Variants in COX8C observed in about 807,000 individuals in gnomAD.
The protein encoded by COX8C is cytochrome c oxidase subunit 8C.
Under a neutral mutation model 3.5 loss-of-function variants are expected in COX8C, and 3 were observed. The ratio of observed to expected loss-of-function variants is 0.86; its 90% CI spans 0.39 to 2.24. COX8C has a LOEUF of 2.24. Among genes scored for constraint, COX8C ranks in the 30% most tolerant of loss-of-function variants. COX8C has a pLI of 0.05. For synonymous variants in COX8C, 46 were observed against 44.1 expected (o/e 1.04, Z -0.17); for missense variants, 113 against 102.5 (o/e 1.10, Z -0.44).
At chr14:93,347,553 T>C (rs1344525158) in intron 1 of COX8C, among the ~76,000 whole-genome samples, 159 bp downstream of exon 1, 1 of 151,156 alleles carries the variant, frequency 6.6e-6, no homozygotes, top group Admixed American at 6.6e-5. Context: ...CTTGGTCGCC[T>C]TTGGGGGAGG....
intron 1 of COX8C, among the ~76,000 whole-genome samples, 183 bp downstream of exon 1, chr14:93,347,577 G>T (rs76343270): frequency 0.014 from 2,186 of 152,232 alleles, 58 homozygotes; most frequent in African/African-American, 0.049. Context: ...CTGGGAGAGG[G>T]TCGCGGTGAG....
chr14:93,347,196 C>T lies in COX8C; in HGVS notation c.-73C>T, dbSNP rs373950654. 6.8e-5 allele frequency: 102 copies of T among 1,497,946 alleles called. No homozygotes were observed. In the African/African-American group the frequency reaches 1.2e-3, roughly 18 times the overall value. 92.8% of individuals were successfully genotyped at this position (1,497,946 alleles called of 1,614,324 possible). On this transcript the variant is annotated 5_prime_UTR_variant, in exon 1 of 2. Coordinates refer to ENST00000342144, the MANE Select transcript of COX8C (RefSeq NM_182971.3). The stretch of plus-strand genomic sequence containing the variant: ...CTGCGCAAACCAGCTGCCTCACGAG[C>T]ACTGGAGCTTGCGTTACTTGGCCTC...
In COX8C at chr14:93,347,243, C is replaced by A. The variant is rs1192925465; in HGVS notation, c.-26C>A. On this transcript the variant is annotated 5_prime_UTR_variant, in exon 1 of 2. Transcript: ENST00000342144. ...CCTCACCTCACCTGTGCTGTCCACG[C>A]CTGGCTTTGTCTCACCTGACGCGAT... 3 of 1,584,856 alleles carry A rather than the reference C, an allele frequency of 1.9e-6. No individual in the cohort carries two copies. In the African/African-American group the frequency reaches 4.1e-5, roughly 22 times the overall value.
Position 93,347,322 on chromosome 14 carries a change from C to G in COX8C, c.54C>G (p.Ala18=). The G allele has an allele frequency of 2.5e-6, 4 of 1,603,648 alleles. No individual in the cohort carries two copies. Among genetic ancestry groups the G allele is most frequent in the Non-Finnish European group, 3.4e-6 (4 of 1,177,952 alleles). Residue 18 remains alanine, a synonymous_variant, in exon 1 of 2, where the codon GCC becomes GCG. Transcript: ENST00000342144. ...CCCGCCGCCACTACCGCCGCTTGGCCCTGCTCGGCCTGCAGCCCGCTCCCC... is the reference window on the plus strand; with the variant it reads ...CCCGCCGCCACTACCGCCGCTTGGCGCTGCTCGGCCTGCAGCCCGCTCCCC... ...CPARRHYRRL[A]LLGLQPAPRF...
In COX8C at chr14:93,348,146, T is replaced by TC; in HGVS notation, c.*26_*27insC. ...ATGGAAGATGATGTTGAACAGCTGTTAACGTCCAAAAAACTTTCAGAAAAA... is the reference window on the plus strand; with the variant it reads ...ATGGAAGATGATGTTGAACAGCTGTTCAACGTCCAAAAAACTTTCAGAAAAA... On this transcript the variant is annotated 3_prime_UTR_variant, in exon 2 of 2. Coordinates refer to ENST00000342144, the MANE Select transcript of COX8C (RefSeq NM_182971.3). 1 of 1,420,386 alleles carries TC rather than the reference T, an allele frequency of 7.0e-7. No homozygotes were observed. Among genetic ancestry groups the TC allele is most frequent in the Non-Finnish European group, 9.9e-7 (1 of 1,006,698 alleles). 88.0% of individuals were successfully genotyped at this position (1,420,386 alleles called of 1,614,324 possible). A position where few individuals can be genotyped will look rare whatever the true frequency, so the allele number is the denominator to read the frequency against.
Position 93,347,403 on chromosome 14 carries a change from A to T in COX8C, c.126+9A>T. ...GGCCCCTGTCTGCCGCGGTGAGTTGAGGCCCAGCCATCATGGTGGGCGGGA... is the reference window on the plus strand; with the variant it reads ...GGCCCCTGTCTGCCGCGGTGAGTTGTGGCCCAGCCATCATGGTGGGCGGGA... On this transcript the variant is annotated intron_variant, in intron 1 of 1. Coordinates refer to ENST00000342144, the MANE Select transcript of COX8C (RefSeq NM_182971.3). The T allele has an allele frequency of 1.4e-6, 2 of 1,473,940 alleles. No individual in the cohort carries two copies. Among genetic ancestry groups the T allele is most frequent in the Non-Finnish European group, 1.8e-6 (2 of 1,117,398 alleles). The allele number at this position is 1,473,940 out of a possible 1,614,324, so 91.3% of individuals were successfully genotyped here.
In COX8C at chr14:93,347,306, A is replaced by C. The variant is rs1293876724; in HGVS notation, c.38A>C (p.His13Pro). The C allele has an allele frequency of 3.7e-6, 6 of 1,605,712 alleles. No homozygotes were observed. In the African/African-American group the frequency reaches 8.0e-5, roughly 21 times the overall value. ...CGTGGGCGCTGTCCTGCCCGCCGCC[A>C]CTACCGCCGCTTGGCCCTGCTCGGC... ...LLRGRCPARR[H>P]YRRLALLGLQ... The change falls in exon 1 of 2, where the codon CAC becomes CCC. Residue 13 changes from histidine to proline, a missense_variant. Physicochemically the swap from His to Pro is moderately conservative, Grantham distance 77. Coordinates refer to ENST00000342144, the MANE Select transcript of COX8C (RefSeq NM_182971.3).
In COX8C at chr14:93,347,849, T is replaced by TA. The variant is rs3215681; in HGVS notation, c.127-168dup. 3.0e-3 allele frequency among the ~76,000 whole-genome samples: 448 copies of TA among 148,384 alleles called. 1 individual carries two copies. The highest frequency in any genetic ancestry group is 8.4e-3 in the African/African-American group (343 of 40,668). ...GAGACCCCTTAGATGAAAAATGAATTAAAAAAAAAAATCAGGTGATCCATG... is the reference window on the plus strand; with the variant it reads ...GAGACCCCTTAGATGAAAAATGAATTAAAAAAAAAAAATCAGGTGATCCATG... On this transcript the variant is annotated intron_variant, in intron 1 of 1. Coordinates refer to ENST00000342144, the MANE Select transcript of COX8C (RefSeq NM_182971.3).
At position 93,347,199 on chromosome 14, in the gene COX8C, T is replaced by C. The variant is rs1407912662; in HGVS notation, c.-70T>C. On this transcript the variant is annotated 5_prime_UTR_variant, in exon 1 of 2. Transcript: ENST00000342144. ...CGCAAACCAGCTGCCTCACGAGCAC[T>C]GGAGCTTGCGTTACTTGGCCTCACC... 1.3e-5 allele frequency: 20 copies of C among 1,503,038 alleles called. No individual in the cohort carries two copies. The Admixed American group carries it at 3.7e-4, about 28-fold the overall frequency. The allele number at this position is 1,503,038 out of a possible 1,614,324, so 93.1% of individuals were successfully genotyped here. A position where few individuals can be genotyped will look rare whatever the true frequency, so the allele number is the denominator to read the frequency against.
chr14:93,347,936 C>T (rs2053898437), intron 1 of COX8C, 92 bp from the exon 2 acceptor site: 1 of 771,966 alleles, frequency 1.3e-6, no homozygotes, highest in Admixed American at 1.9e-5. Context: ...GGTCTAGGTG[C>T]TCAAAATGTT....
At position 93,347,411 on chromosome 14, in the gene COX8C, C is replaced by A; in HGVS notation, c.126+17C>A. 1 of 1,486,622 alleles carries A rather than the reference C, an allele frequency of 6.7e-7. No individual in the cohort carries two copies. 92.1% of individuals were successfully genotyped at this position (1,486,622 alleles called of 1,614,324 possible). A position where few individuals can be genotyped will look rare whatever the true frequency, so the allele number is the denominator to read the frequency against. ...TCTGCCGCGGTGAGTTGAGGCCCAG[C>A]CATCATGGTGGGCGGGAAGCGCGTG... On this transcript the variant is annotated intron_variant, in intron 1 of 1. Coordinates refer to ENST00000342144, the MANE Select transcript of COX8C (RefSeq NM_182971.3).
intron 1 of COX8C, among the ~76,000 whole-genome samples, chr14:93,347,822 C>T (rs1012244195): frequency 5.3e-5 from 8 of 151,318 alleles, no homozygotes; most frequent in Admixed American, 2.6e-4. Context: ...AGGTTGGAAC[C>T]GGAGACCCCT....
Position 93,348,317 on chromosome 14 carries a change from AGT to A in COX8C, c.*200_*201del. The A allele has an allele frequency of 2.0e-6, 1 of 488,674 alleles. No individual in the cohort carries two copies. Among genetic ancestry groups the A allele is most frequent in the Non-Finnish European group, 3.6e-6 (1 of 276,360 alleles). The allele number at this position is 488,674 out of a possible 1,614,324, so 30.3% of individuals were successfully genotyped here. ...TGTATAGTCAAAAATGTTCTGCTTA[AGT>A]GTTAAATAAAACGGAAACACTTATT... On this transcript the variant is annotated 3_prime_UTR_variant, in exon 2 of 2. Coordinates refer to ENST00000342144, the MANE Select transcript of COX8C (RefSeq NM_182971.3).
At position 93,347,394 on chromosome 14, in the gene COX8C, G is replaced by T. The variant is rs747544302; in HGVS notation, c.126G>T (p.Ala42=). The change falls in exon 1 of 2, where the codon GCG becomes GCT. Residue 42 remains alanine, a splice_region_variant and synonymous_variant. Coordinates refer to ENST00000342144, the MANE Select transcript of COX8C (RefSeq NM_182971.3). ...CGCGCCAGCGGCCCCTGTCTGCCGC[G>T]GTGAGTTGAGGCCCAGCCATCATGG... The part of the protein sequence containing the change: ...GPPRQRPLSA[A]EMAVGLVVFF... 1.3e-6 allele frequency: 2 copies of T among 1,522,752 alleles called. No individual in the cohort carries two copies. Among genetic ancestry groups the T allele is most frequent in the Non-Finnish European group, 1.8e-6 (2 of 1,142,140 alleles). 94.3% of individuals were successfully genotyped at this position (1,522,752 alleles called of 1,614,324 possible).
chr14:93,348,291 A>T lies in COX8C; in HGVS notation c.*171A>T. The T allele has an allele frequency of 1.9e-6, 1 of 513,558 alleles. No homozygotes were observed. Among genetic ancestry groups the T allele is most frequent in the Non-Finnish European group, 3.5e-6 (1 of 288,744 alleles). 31.8% of individuals were successfully genotyped at this position (513,558 alleles called of 1,614,324 possible). On this transcript the variant is annotated 3_prime_UTR_variant, in exon 2 of 2. Transcript: ENST00000342144. ...TTTTTTAGTACTGTGCATTATATAG[A>T]TGTATAGTCAAAAATGTTCTGCTTA...
chr14:93,348,160 C>CT lies in COX8C; in HGVS notation c.*43dup. The CT allele has an allele frequency of 7.8e-7, 1 of 1,290,084 alleles. No individual in the cohort carries two copies. 79.9% of individuals were successfully genotyped at this position (1,290,084 alleles called of 1,614,324 possible). On this transcript the variant is annotated 3_prime_UTR_variant, in exon 2 of 2. Coordinates refer to ENST00000342144, the MANE Select transcript of COX8C (RefSeq NM_182971.3). The stretch of plus-strand genomic sequence containing the variant: ...TGAACAGCTGTTAACGTCCAAAAAA[C>CT]TTTCAGAAAAAGCTGTGTTTTTGTT...
In COX8C at chr14:93,347,408, C is replaced by G; in HGVS notation, c.126+14C>G. Reference sequence around the variant, plus strand: ...CTGTCTGCCGCGGTGAGTTGAGGCCCAGCCATCATGGTGGGCGGGAAGCGC... The same window carrying G: ...CTGTCTGCCGCGGTGAGTTGAGGCCGAGCCATCATGGTGGGCGGGAAGCGC... On this transcript the variant is annotated intron_variant, in intron 1 of 1. Transcript: ENST00000342144. 1 of 1,492,886 alleles carries G rather than the reference C, an allele frequency of 6.7e-7. No homozygotes were observed. The highest frequency in any genetic ancestry group is 8.9e-7 in the Non-Finnish European group (1 of 1,129,330). The allele number at this position is 1,492,886 out of a possible 1,614,324, so 92.5% of individuals were successfully genotyped here.
At chr14:93,347,475 G>A in intron 1 of COX8C, 81 bp downstream of exon 1, 8 of 1,362,406 alleles carry the variant, frequency 5.9e-6, no homozygotes, top group Non-Finnish European at 6.6e-6. Context: ...GAGAAGGGAG[G>A]ACACGGCGTG....
Position 93,348,229 on chromosome 14 carries a change from A to AT in COX8C, c.*111dup. ...GTTGAGTTGATGCAACCATTGTGGT[A>AT]TTCACTTTCCTCATGTTTATGATGA... is the stretch of plus-strand genomic sequence containing the variant. On this transcript the variant is annotated 3_prime_UTR_variant, in exon 2 of 2. Coordinates refer to ENST00000342144, the MANE Select transcript of COX8C (RefSeq NM_182971.3). 1.5e-6 allele frequency: 1 copy of AT among 686,306 alleles called. No homozygotes were observed. The highest frequency in any genetic ancestry group is 2.7e-6 in the Non-Finnish European group (1 of 374,420). The allele number at this position is 686,306 out of a possible 1,614,324, so 42.5% of individuals were successfully genotyped here.
Sources: gnomAD v4.1 joint callset for allele counts (sites outside exome capture counted in the v4.1 genomes callset) on GRCh38, gnomAD v4.1.1 for gene constraint, MANE v1.5 for transcripts, NCBI Gene and HGNC (gene_info 2026-07-23, HGNC 2026-07-21) for gene names.